Variants in PITPNM3 observed in about 807,000 individuals in gnomAD.
PITPNM3 encodes the protein membrane-associated phosphatidylinositol transfer protein 3.
PITPNM3 carries 26 observed loss-of-function variants against 102.0 expected under a neutral mutation model. The observed-to-expected ratio is 0.25, with a 90% CI of 0.19 to 0.35. The LOEUF is 0.35. PITPNM3 is among the 10% of genes least tolerant of loss of function. The pLI, the probability that PITPNM3 is intolerant of heterozygous loss-of-function variation, is 1.00. For synonymous variants in PITPNM3, 578 were observed against 558.6 expected (o/e 1.03, Z -0.49); for missense variants, 1,083 against 1,346.1 (o/e 0.80, Z 3.06).
chr17:6,541,893 C>T (rs913643165), intron 1 of PITPNM3, among the ~76,000 whole-genome samples: 2 of 152,206 alleles, frequency 1.3e-5, no homozygotes, highest in Non-Finnish European at 2.9e-5. Context: ...TGCGGCATGC[C>T]AGGCAGTCTG....
chr17:6,462,189 A>G (rs1904496310), intron 17 of PITPNM3, among the ~76,000 whole-genome samples: 1 of 152,130 alleles, frequency 6.6e-6, no homozygotes, highest in Non-Finnish European at 1.5e-5. Flanking sequence ...AATCCCAAAC[A>G]TGCATAGCAA....
At chr17:6,541,160 G>A (rs909077572) in intron 1 of PITPNM3, among the ~76,000 whole-genome samples, 2 of 152,162 alleles carry the variant, frequency 1.3e-5, no homozygotes, top group Admixed American at 6.5e-5. Flanking sequence ...AAACAACAAA[G>A]GTCGTATTTC....
intron 1 of PITPNM3, among the ~76,000 whole-genome samples, chr17:6,539,783 T>A (rs891710620): frequency 2.0e-5 from 3 of 152,260 alleles, no homozygotes; most frequent in African/African-American, 7.2e-5. Flanking sequence ...TACGCTAGAT[T>A]AATATACAGA....
chr17:6,523,340 C>G (rs1395949786), intron 3 of PITPNM3, among the ~76,000 whole-genome samples: 1 of 152,184 alleles, frequency 6.6e-6, no homozygotes, highest in Non-Finnish European at 1.5e-5. Flanking sequence ...AACAGAAGAC[C>G]AGGGAGGTGA....
At chr17:6,543,460 G>T (rs1909838437) in intron 1 of PITPNM3, among the ~76,000 whole-genome samples, 2 of 152,386 alleles carry the variant, frequency 1.3e-5, no homozygotes, top group Admixed American at 1.3e-4. Context: ...CTCAGGCGAA[G>T]GGAGATGCCT....
intron 4 of PITPNM3, among the ~76,000 whole-genome samples, chr17:6,491,816 A>AATATATATATATATATATATATATATAT (rs71381397): frequency 1.6e-5 from 1 of 62,054 alleles, no homozygotes; most frequent in African/African-American, 6.4e-5. Flanking sequence ...GGGACAATGG[A>AATATATATATATATATATATATATATAT]ATATATATAT....
Position 6,459,334 on chromosome 17 carries a change from C to T in PITPNM3, c.2491-1612G>A, listed in dbSNP as rs979081545. ...CTATCTCCTTGAAGCCCTCTCCTCC[C>T]GATACCTGGAGTCTCGTCTCTCTCT... On this transcript the variant is annotated intron_variant, in intron 18 of 19. Transcript: ENST00000262483. The surrounding 1 kb of genome is among the most constrained non-coding windows in gnomAD (Gnocchi z 5.0). Among the ~76,000 whole-genome samples the T allele has an allele frequency of 2.0e-5, 3 of 152,118 alleles. No individual in the cohort carries two copies. The highest frequency in any genetic ancestry group is 4.8e-5 in the African/African-American group (2 of 41,428).
rs563810214 is a variant in PITPNM3, at chr17:6,473,004, C to T, written c.1259-177G>A. On this transcript the variant is annotated intron_variant, in intron 10 of 19. Coordinates refer to ENST00000262483, the MANE Select transcript of PITPNM3 (RefSeq NM_031220.4). ...TTCAGTTTGTCTCCCCACCCAGGAG[C>T]GCAGTGACAGGCACCCAGCACTGCA... 1.1e-4 allele frequency among the ~76,000 whole-genome samples: 16 copies of T among 152,292 alleles called. No homozygotes were observed. The East Asian group carries it at 2.9e-3, about 28-fold the overall frequency.
At position 6,478,290 on chromosome 17, in the gene PITPNM3, G is replaced by C. The variant is rs1229536971; in HGVS notation, c.778-193C>G. Among the ~76,000 whole-genome samples the C allele has an allele frequency of 6.6e-6, 1 of 152,266 alleles. No individual in the cohort carries two copies. The highest frequency in any genetic ancestry group is 1.5e-5 in the Non-Finnish European group (1 of 68,044). On this transcript the variant is annotated intron_variant, in intron 7 of 19. Coordinates refer to ENST00000262483, the MANE Select transcript of PITPNM3 (RefSeq NM_031220.4). This position sits in a 1 kb window ranked among gnomAD's most constrained non-coding sequence, Gnocchi z 4.4. The stretch of plus-strand genomic sequence containing the variant: ...TGGCGTTGGCCCAGGCCAGCCCAAG[G>C]ACGGGGAGTAGGCTACTCTCAGGGG...
chr17:6,505,318 A>G (rs1404352444), intron 3 of PITPNM3, among the ~76,000 whole-genome samples: 1 of 151,892 alleles, frequency 6.6e-6, no homozygotes, highest in Non-Finnish European at 1.5e-5. Flanking sequence ...CCATTGATTC[A>G]AGACCTTGTC....
chr17:6,482,769 C>T (rs868333545), intron 6 of PITPNM3, among the ~76,000 whole-genome samples: 2 of 152,140 alleles, frequency 1.3e-5, no homozygotes, highest in Admixed American at 6.5e-5. Context: ...ATGGAAACAG[C>T]CCCTCACATG....
intron 14 of PITPNM3, among the ~76,000 whole-genome samples, chr17:6,465,691 T>C (rs1181171825): frequency 1.3e-5 from 2 of 152,146 alleles, no homozygotes; most frequent in East Asian, 3.9e-4. Flanking sequence ...TCCTGGACGC[T>C]GCGTCATTTT....
intron 4 of PITPNM3, among the ~76,000 whole-genome samples, chr17:6,500,447 A>T (rs548064581): frequency 1.3e-5 from 2 of 152,348 alleles, no homozygotes; most frequent in East Asian, 3.9e-4. Flanking sequence ...AAGAAAAAGC[A>T]TTTTAATGCC....
rs371498505 is a variant in PITPNM3, at chr17:6,472,772, G to A, written c.1314C>T (p.Asp438=). The A allele has an allele frequency of 3.5e-5, 57 of 1,614,036 alleles. No homozygotes were observed. The highest frequency in any genetic ancestry group is 4.7e-5 in the Non-Finnish European group (56 of 1,180,018). ...SQVYSFFHCA[D]PSASRLEPLL... ...GTGGCTCGAGCCGTGAGGCAGAGGG[G>A]TCTGCGCAATGGAAGAAGCTGTAGA... The change falls in exon 11 of 20, where the codon GAC becomes GAT. Residue 438 remains aspartate, a synonymous_variant. Coordinates refer to ENST00000262483, the MANE Select transcript of PITPNM3 (RefSeq NM_031220.4). This position sits in a 1 kb window ranked among gnomAD's most constrained non-coding sequence, Gnocchi z 4.1.
chr17:6,530,073 C>T, intron 2 of PITPNM3, among the ~76,000 whole-genome samples: 2 of 152,352 alleles, frequency 1.3e-5, no homozygotes, highest in South Asian at 4.1e-4. Context: ...AACAGTTCTA[C>T]CCTTGCCATT....
At position 6,463,848 on chromosome 17, in the gene PITPNM3, C is replaced by A; in HGVS notation, c.2190G>T (p.Thr730=). 1 of 1,614,084 alleles carries A rather than the reference C, an allele frequency of 6.2e-7. No homozygotes were observed. Among genetic ancestry groups the A allele is most frequent in the African/African-American group, 1.3e-5 (1 of 75,056 alleles). ...CACACTCCATGCCCCTGGGCAACAC[C>A]GTGAGGTAGCTCATGGCACAGGTCT... ...GDQTCAMSYL[T]VLPRGMECVV... The change falls in exon 17 of 20, where the codon ACG becomes ACT. Residue 730 remains threonine (T), a synonymous_variant. Coordinates refer to ENST00000262483, the MANE Select transcript of PITPNM3 (RefSeq NM_031220.4).
intron 1 of PITPNM3, among the ~76,000 whole-genome samples, chr17:6,546,382 C>T (rs545601548): frequency 5.8e-4 from 89 of 152,370 alleles, no homozygotes; most frequent in Non-Finnish European, 9.6e-4. Context: ...ATCCATCCAT[C>T]GGTAATGCAC....
chr17:6,515,280 C>A (rs1037633367), intron 3 of PITPNM3, among the ~76,000 whole-genome samples: 1 of 151,666 alleles, frequency 6.6e-6, no homozygotes, highest in African/African-American at 2.4e-5. Context: ...CACCTGTAAT[C>A]CCAGCTACTT....
chr17:6,495,575 T>C (rs1906755448), intron 4 of PITPNM3, among the ~76,000 whole-genome samples: 1 of 152,154 alleles, frequency 6.6e-6, no homozygotes, highest in Non-Finnish European at 1.5e-5. Flanking sequence ...AGCCAGGAGC[T>C]GCAAGCCCAG....
Sources: gnomAD v4.1 joint callset for allele counts (sites outside exome capture counted in the v4.1 genomes callset) on GRCh38, gnomAD v4.1.1 for gene constraint, Gnocchi (gnomAD v3.1) non-coding constraint, MANE v1.5 for transcripts, NCBI Gene and HGNC (gene_info 2026-07-23, HGNC 2026-07-21) for gene names.